The following PREP variants were observed in gnomAD, a reference collection of about 807,000 sequenced individuals.
PREP encodes the protein dJ355L5.1 (prolyl endopeptidase).
In PREP, 29 loss-of-function variants were observed where a neutral mutation model predicts 87.6. That is an observed-to-expected ratio of 0.33 (90% CI 0.25 to 0.45). The LOEUF (loss-of-function observed/expected upper bound fraction) is 0.45, where lower values mean the gene tolerates loss of function less well. Among genes scored for constraint, PREP ranks in the 20% least tolerant of loss-of-function variants. The pLI is 1.00. For missense variants in PREP, 695 were observed against 886.5 expected (o/e 0.78, Z 2.74); for synonymous variants, 337 against 328.6 (o/e 1.03, Z -0.28).
At chr6:105,302,823 T>C (rs1392452684) in intron 10 of PREP, 6 of 404,354 alleles carry the variant, frequency 1.5e-5, no homozygotes, top group Admixed American at 3.1e-5. Context: ...ATCTTAGCCA[T>C]TGCTGCACAG....
At chr6:105,387,649 G>A (rs1465118899) in intron 2 of PREP, among the ~76,000 whole-genome samples, 2 of 149,388 alleles carry the variant, frequency 1.3e-5, no homozygotes, top group African/African-American at 2.5e-5. Context: ...AAAAGAAAAA[G>A]AAAGAAAAAG....
rs1182091603 is a variant in PREP at position 105,277,972 on chromosome 6, AAGG to A, written c.*169_*171del. On this transcript the variant is annotated 3_prime_UTR_variant, in exon 15 of 15. Transcript: ENST00000652536. ...AAAGAAACACCAAGGCCTTGCTAAAAAGGAGAAGCCTAAAAAAGATAAAATTCC... is the reference window on the plus strand; with the variant it reads ...AAAGAAACACCAAGGCCTTGCTAAAAAGAAGCCTAAAAAAGATAAAATTCC... 2 of 956,870 alleles carry A rather than the reference AAGG, an allele frequency of 2.1e-6. No individual in the cohort carries two copies. The highest frequency in any genetic ancestry group is 3.3e-5 in the African/African-American group (2 of 60,682). 59.3% of individuals were successfully genotyped at this position (956,870 alleles called of 1,614,324 possible).
chr6:105,305,567 G>A (rs1427542878), intron 10 of PREP, among the ~76,000 whole-genome samples: 1 of 152,176 alleles, frequency 6.6e-6, no homozygotes, highest in Non-Finnish European at 1.5e-5. Flanking sequence ...GGGGGGACAT[G>A]AAGGCAAATC....
intron 2 of PREP, among the ~76,000 whole-genome samples, chr6:105,395,572 T>C (rs536216106): frequency 7.2e-6 from 1 of 138,688 alleles, no homozygotes; most frequent in Admixed American, 6.8e-5. Flanking sequence ...ACAAAAATAG[T>C]GTATACTCCA....
Position 105,335,342 on chromosome 6 carries a change from T to C in PREP, c.824-1837A>G, listed in dbSNP as rs79188055. Among the ~76,000 whole-genome samples the C allele has an allele frequency of 9.0e-3, 1,373 of 152,346 alleles. 22 individuals are homozygous for C. Among genetic ancestry groups the C allele is most frequent in the African/African-American group, 0.032 (1,311 of 41,580 alleles). Reference sequence around the variant, plus strand: ...AGTGAAATTGCTACACTAATTTGGGTAGTTCATTTCCATTCCTTGAATCTC... The same window carrying C: ...AGTGAAATTGCTACACTAATTTGGGCAGTTCATTTCCATTCCTTGAATCTC... On this transcript the variant is annotated intron_variant, in intron 7 of 14. Transcript: ENST00000652536.
At chr6:105,338,708 C>T (rs556838276) in intron 7 of PREP, among the ~76,000 whole-genome samples, 21 of 152,344 alleles carry the variant, frequency 1.4e-4, no homozygotes, top group Admixed American at 5.2e-4. Context: ...ACTTTTCCAA[C>T]GGTCTTAGCA....
chr6:105,389,649 G>A (rs1240886504), intron 2 of PREP, among the ~76,000 whole-genome samples: 4 of 152,082 alleles, frequency 2.6e-5, no homozygotes, highest in Non-Finnish European at 5.9e-5. Context: ...TTTCCTGGGA[G>A]CAAGCTTCCA....
intron 2 of PREP, among the ~76,000 whole-genome samples, chr6:105,391,410 C>T (rs72939760): frequency 0.056 from 8,521 of 151,904 alleles, 306 homozygotes; most frequent in South Asian, 0.18. Context: ...AATAAAGAGA[C>T]GGGGTTTCAT....
intron 10 of PREP, among the ~76,000 whole-genome samples, chr6:105,291,291 A>G (rs1454535793): frequency 6.6e-6 from 1 of 152,212 alleles, no homozygotes; most frequent in Non-Finnish European, 1.5e-5. Flanking sequence ...GTATGCCACA[A>G]TGATGGACTT....
chr6:105,391,048 C>CACACAT (rs1773130334), intron 2 of PREP, among the ~76,000 whole-genome samples: 2 of 150,794 alleles, frequency 1.3e-5, no homozygotes, highest in Non-Finnish European at 3.0e-5. Context: ...CACACACACA[C>CACACAT]ACACACACAC....
chr6:105,397,997 G>A, intron 1 of PREP, 70 bp from the exon 2 acceptor site: 1 of 1,214,304 alleles, frequency 8.2e-7, no homozygotes, highest in Non-Finnish European at 1.2e-6. Context: ...TTTTTTTAAT[G>A]TAATGGAGAA....
chr6:105,308,476 G>A (rs1454454375), intron 10 of PREP, among the ~76,000 whole-genome samples: 1 of 152,176 alleles, frequency 6.6e-6, no homozygotes, highest in Non-Finnish European at 1.5e-5. Context: ...GGGAGGCATA[G>A]TATAATTTTC....
chr6:105,299,029 C>T (rs1252698308), intron 10 of PREP: 1 of 152,210 alleles, frequency 6.6e-6, no homozygotes, highest in African/African-American at 2.4e-5. Context: ...TTAAGCACCG[C>T]AAGGCTGTAA....
chr6:105,320,375 G>A (rs1149321), intron 10 of PREP, among the ~76,000 whole-genome samples: 55,610 of 152,142 alleles, frequency 0.37, 14,370 homozygotes, highest in African/African-American at 0.74. Context: ...TGAAGGCTGT[G>A]TAGAGAGCAG....
In PREP at chr6:105,329,699, A is replaced by C. The variant is rs181441745; in HGVS notation, c.1016-673T>G. Among the ~76,000 whole-genome samples the C allele has an allele frequency of 1.9e-4, 29 of 152,362 alleles. 1 individual carries two copies. The highest frequency in any genetic ancestry group is 1.8e-3 in the Admixed American group (27 of 15,310). ...AGGATTGTTTATTAGATAAAAATGT[A>C]ATAAGCCCTTGTTATCCACCAGATT... is the stretch of plus-strand genomic sequence containing the variant. On this transcript the variant is annotated intron_variant, in intron 8 of 14. Coordinates refer to ENST00000652536, the MANE Select transcript of PREP (RefSeq NM_002726.5).
intron 1 of PREP, 137 bp downstream of exon 1, chr6:105,402,710 T>A: frequency 1.3e-6 from 1 of 793,860 alleles, no homozygotes; most frequent in African/African-American, 1.8e-5. Flanking sequence ...GGCCCAATTC[T>A]CCCAAACAAA....
intron 10 of PREP, among the ~76,000 whole-genome samples, chr6:105,318,244 T>C (rs1296263644): frequency 6.6e-6 from 1 of 152,204 alleles, no homozygotes; most frequent in Non-Finnish European, 1.5e-5. Flanking sequence ...AGTGTGAGTA[T>C]GTTTTCACCA....
At chr6:105,380,844 C>G (rs1338884410) in intron 2 of PREP, among the ~76,000 whole-genome samples, 1 of 152,138 alleles carries the variant, frequency 6.6e-6, no homozygotes, top group South Asian at 2.1e-4. Flanking sequence ...CACTTAGGCC[C>G]ACGGTGGGTC....
At chr6:105,340,940 G>A (rs1387162167) in intron 7 of PREP, among the ~76,000 whole-genome samples, 1 of 152,086 alleles carries the variant, frequency 6.6e-6, no homozygotes, top group Non-Finnish European at 1.5e-5. Context: ...CAATAATAAT[G>A]GGAGATTTTA....
Sources: allele counts gnomAD v4.1 joint callset (sites outside exome capture counted in the v4.1 genomes callset), GRCh38; gene constraint gnomAD v4.1.1; transcripts MANE v1.5; gene names NCBI Gene and HGNC (gene_info 2026-07-23, HGNC 2026-07-21).